RPRD2: variants seen among roughly 807,000 people sequenced by gnomAD.
RPRD2 encodes the protein regulation of nuclear pre-mRNA domain containing 2, also known as regulation of nuclear pre-mRNA domain-containing protein 2.
Under a neutral mutation model 104.4 loss-of-function variants are expected in RPRD2, and 12 were observed. That is an observed-to-expected ratio of 0.11 (90% confidence interval 0.07 to 0.19). The LOEUF (loss-of-function observed/expected upper bound fraction) is 0.19. Among genes scored for constraint, RPRD2 ranks in the 10% least tolerant of loss-of-function variants. The probability of loss-of-function intolerance (pLI) is 1.00; values close to 1 mark genes in which losing one functional copy is unlikely to be tolerated. For missense variants in RPRD2, 1,543 were observed against 1,790.1 expected (o/e 0.86, Z 2.49); for synonymous variants, 714 against 684.9 (o/e 1.04, Z -0.66).
chr1:150,404,166 C>G (rs1442343781), intron 1 of RPRD2, among the ~76,000 whole-genome samples: 1 of 152,146 alleles, frequency 6.6e-6, no homozygotes, highest in African/African-American at 2.4e-5. Context: ...TTTGTGTTTG[C>G]TTTTATTAAC....
intron 2 of RPRD2, among the ~76,000 whole-genome samples, chr1:150,433,207 G>A (rs1218696950): frequency 1.3e-5 from 2 of 151,796 alleles, no homozygotes; most frequent in Non-Finnish European, 2.9e-5. Flanking sequence ...TCTCAGCAGC[G>A]GCAGTGGAAG....
intron 1 of RPRD2, among the ~76,000 whole-genome samples, chr1:150,384,982 T>C (rs1454241033): frequency 6.6e-6 from 1 of 151,968 alleles, no homozygotes; most frequent in Non-Finnish European, 1.5e-5. Flanking sequence ...TGGCTGTGAA[T>C]AGCCACTGCA....
Position 150,473,309 on chromosome 1 carries a change from G to A in RPRD2, c.4361G>A (p.Arg1454His). The A allele has an allele frequency of 2.5e-6, 4 of 1,612,188 alleles. No individual in the cohort carries two copies. Among genetic ancestry groups the A allele is most frequent in the East Asian group, 2.2e-5 (1 of 44,870 alleles). The part of the protein sequence containing the change: ...ARGPPFFAPK[R>H]PFFPPRY ...GGCCCTCCGTTCTTTGCACCAAAAC[G>A]CCCATTCTTCCCTCCCAGGTACTGA... is the stretch of plus-strand genomic sequence containing the variant. Residue 1454 changes from arginine to histidine, a missense_variant, in exon 11 of 11, where the codon CGC (arginine) becomes CAC (histidine). This residue lies in a region of RPRD2 where 880 missense variants were observed against 885.6 expected (regional missense o/e 0.99). Coordinates refer to ENST00000369068, the MANE Select transcript of RPRD2 (RefSeq NM_015203.5).
At chr1:150,440,848 CTT>C in intron 2 of RPRD2, 73 bp from the exon 3 acceptor site, 2 of 739,634 alleles carry the variant, frequency 2.7e-6, no homozygotes, top group South Asian at 3.6e-5. Flanking sequence ...TTATTGATAA[CTT>C]TATTTTCAGA....
chr1:150,471,442 G>T lies in RPRD2; in HGVS notation c.2494G>T (p.Asp832Tyr). The change falls in exon 11 of 11, where the codon GAT becomes TAT. Residue 832 changes from aspartate (D) to tyrosine (Y), a missense_variant. By Grantham distance (160) the Asp-to-Tyr change is radical (BLOSUM62 -3). Coordinates refer to ENST00000369068, the MANE Select transcript of RPRD2 (RefSeq NM_015203.5). This position sits in a 1 kb window ranked among gnomAD's most constrained non-coding sequence, Gnocchi z 5.3. ...YPDTSFQEDE[D>Y]YRDFEYSGPP... is the part of the protein sequence containing the mutation. Reference sequence around the variant, plus strand: ...AGATACTTCTTTCCAAGAAGATGAGGATTACCGAGATTTTGAGTATTCAGG... The same window carrying T: ...AGATACTTCTTTCCAAGAAGATGAGTATTACCGAGATTTTGAGTATTCAGG... The T allele has an allele frequency of 1.2e-6, 2 of 1,613,926 alleles. No homozygotes were observed. Among genetic ancestry groups the T allele is most frequent in the Non-Finnish European group, 1.7e-6 (2 of 1,179,876 alleles).
intron 1 of RPRD2, among the ~76,000 whole-genome samples, chr1:150,377,573 G>A (rs1313966664): frequency 2.6e-5 from 4 of 151,274 alleles, no homozygotes; most frequent in African/African-American, 9.7e-5. Flanking sequence ...ACTCTAGCCT[G>A]GGCGACAGAG....
intron 10 of RPRD2, among the ~76,000 whole-genome samples, chr1:150,466,912 A>G (rs1668316424): frequency 6.6e-6 from 1 of 152,186 alleles, no homozygotes; most frequent in African/African-American, 2.4e-5. Flanking sequence ...GTCTCAACCA[A>G]AGGCCTCCAG....
chr1:150,427,043 G>T (rs1665181624), intron 2 of RPRD2, among the ~76,000 whole-genome samples: 1 of 152,188 alleles, frequency 6.6e-6, no homozygotes, highest in South Asian at 2.1e-4. Flanking sequence ...TTCTTGGGAG[G>T]CTGAGGCAGG....
At chr1:150,446,937 G>A (rs1553895638) in intron 7 of RPRD2, among the ~76,000 whole-genome samples, 1 of 149,102 alleles carries the variant, frequency 6.7e-6, no homozygotes, top group East Asian at 2.0e-4. Flanking sequence ...CCGGGTTCAA[G>A]CGATTCTCCT....
chr1:150,417,605 C>G lies in RPRD2; in HGVS notation c.215C>G (p.Pro72Arg), dbSNP rs781866614. ...WMKWLRRSAYPHRLNLFYLAN... is the reference protein window; with the variant it reads ...WMKWLRRSAYRHRLNLFYLAN... ...CTTTTGTCATCTCTAGCTGCATATC[C>G]CCACCGTTTGAATCTCTTTTACCTT... The change falls in exon 2 of 11, where the codon CCC becomes CGC. Residue 72 changes from proline (P) to arginine (R), a missense_variant. Around this residue, in one of 4 missense-constraint regions of RPRD2, gnomAD observed 88 missense variants for 96.6 expected, o/e 0.91. Coordinates refer to ENST00000369068, the MANE Select transcript of RPRD2 (RefSeq NM_015203.5). 6.4e-7 allele frequency: 1 copy of G among 1,569,144 alleles called. No homozygotes were observed.
intron 1 of RPRD2, among the ~76,000 whole-genome samples, chr1:150,384,097 G>T (rs1225330542): frequency 1.3e-5 from 2 of 152,096 alleles, no homozygotes; most frequent in Non-Finnish European, 2.9e-5. Flanking sequence ...TCTGGAAGGG[G>T]TGGGTAGGAT....
intron 1 of RPRD2, among the ~76,000 whole-genome samples, chr1:150,371,544 C>T (rs1167134774): frequency 6.6e-6 from 1 of 152,052 alleles, no homozygotes; most frequent in Non-Finnish European, 1.5e-5. Flanking sequence ...TAATTTTTTG[C>T]ATTTTTGGTA....
intron 1 of RPRD2, among the ~76,000 whole-genome samples, chr1:150,415,519 C>T (rs1047460956): frequency 1.4e-5 from 2 of 142,894 alleles, no homozygotes; most frequent in Non-Finnish European, 3.1e-5. Context: ...CTTGTCTCTA[C>T]TAAAAATACA....
intron 1 of RPRD2, among the ~76,000 whole-genome samples, chr1:150,411,681 C>T (rs782226547): frequency 7.8e-6 from 1 of 128,378 alleles, no homozygotes; most frequent in Non-Finnish European, 1.6e-5. Context: ...GTCCCAGTTA[C>T]TCAGGAAGCT....
intron 1 of RPRD2, among the ~76,000 whole-genome samples, chr1:150,381,235 C>T (rs1279747418): frequency 6.8e-6 from 1 of 147,540 alleles, no homozygotes; most frequent in African/African-American, 2.5e-5. Context: ...CCAGCCTGGG[C>T]AACATAGTGA....
At chr1:150,404,076 A>T (rs782316362) in intron 1 of RPRD2, among the ~76,000 whole-genome samples, 1 of 152,234 alleles carries the variant, frequency 6.6e-6, no homozygotes, top group East Asian at 1.9e-4. Flanking sequence ...TATTAACCCT[A>T]TTGACTCCAG....
chr1:150,391,067 A>G lies in RPRD2; in HGVS notation c.205+26148A>G, dbSNP rs374421855. On this transcript the variant is annotated intron_variant, in intron 1 of 10. Transcript: ENST00000369068. ...TCTTACAGTATGAAACTATCACTGCACAGATCATGAAATGCAAATTGATAA... is the reference window on the plus strand; with the variant it reads ...TCTTACAGTATGAAACTATCACTGCGCAGATCATGAAATGCAAATTGATAA... Among the ~76,000 whole-genome samples the G allele has an allele frequency of 3.8e-4, 58 of 152,332 alleles. 1 individual carries two copies. In the South Asian group the frequency reaches 0.012, roughly 30 times the overall value.
chr1:150,372,705 G>A (rs1660409194), intron 1 of RPRD2, among the ~76,000 whole-genome samples: 1 of 152,176 alleles, frequency 6.6e-6, no homozygotes, highest in African/African-American at 2.4e-5. Context: ...TCTGAGTAAG[G>A]AGGTATGATA....
intron 2 of RPRD2, among the ~76,000 whole-genome samples, chr1:150,440,309 C>G (rs1553894112): frequency 6.6e-6 from 1 of 152,086 alleles, no homozygotes; most frequent in Non-Finnish European, 1.5e-5. Flanking sequence ...CTCAGGCAAT[C>G]CATCCACCTC....
Sources: gnomAD v4.1 joint callset for allele counts (sites outside exome capture counted in the v4.1 genomes callset) on GRCh38, gnomAD v4.1.1 for gene constraint, gnomAD v4.1.1 regional missense constraint, Gnocchi (gnomAD v3.1) non-coding constraint, MANE v1.5 for transcripts, NCBI Gene and HGNC (gene_info 2026-07-23, HGNC 2026-07-21) for gene names.